The following SVIP variants were observed in gnomAD, a reference collection of about 807,000 sequenced individuals.
The protein encoded by SVIP is small VCP interacting protein.
Under a neutral mutation model 12.9 loss-of-function variants are expected in SVIP, and 14 were observed. The ratio of observed to expected loss-of-function variants is 1.08; its 90% CI spans 0.72 to 1.70. The LOEUF is 1.70. SVIP is among the 40% of genes most tolerant of loss of function. The pLI is 0.00. For missense variants in SVIP, 93 were observed against 90.8 expected (o/e 1.02, Z -0.10); for synonymous variants, 35 against 33.3 (o/e 1.05, Z -0.17).
chr11:22,829,408 C>T (rs1857859790), intron 1 of SVIP: 5 of 362,008 alleles, frequency 1.4e-5, no homozygotes, highest in Non-Finnish European at 2.5e-5. Flanking sequence ...TGCGCCGGCG[C>T]CCTATGAAGA....
rs1329685554 is a variant in SVIP at position 22,821,085 on chromosome 11, G to A, written c.*2034C>T. The A allele has an allele frequency of 6.8e-6, 1 of 147,212 alleles. No homozygotes were observed. The highest frequency in any genetic ancestry group is 1.5e-5 in the Non-Finnish European group (1 of 67,090). The allele number at this position is 147,212 out of a possible 1,614,324, so 9.1% of individuals were successfully genotyped here. A position where few individuals can be genotyped will look rare whatever the true frequency, so the allele number is the denominator to read the frequency against. On this transcript the variant is annotated 3_prime_UTR_variant, in exon 4 of 4. Coordinates refer to ENST00000354193, the MANE Select transcript of SVIP (RefSeq NM_148893.3). ...TATATACACACACATATATAAATTA[G>A]AATTTGCAGATATTATGTGTATATA...
rs960455363 is a variant in SVIP, at chr11:22,822,889, C to T, written c.*230G>A. 1 of 457,058 alleles carries T rather than the reference C, an allele frequency of 2.2e-6. No individual in the cohort carries two copies. The highest frequency in any genetic ancestry group is 4.0e-5 in the Admixed American group (1 of 24,866). The allele number at this position is 457,058 out of a possible 1,614,324, so 28.3% of individuals were successfully genotyped here. ...TTAACTACTAAGAAAAATAGCAAAT[C>T]ACCCACTAACTGCAGAAGAGCAAAT... On this transcript the variant is annotated 3_prime_UTR_variant, in exon 4 of 4. Transcript: ENST00000354193.
At position 22,823,257 on chromosome 11, in the gene SVIP, T is replaced by C. The variant is rs1564905362; in HGVS notation, c.220-124A>G. 11 of 650,954 alleles carry C rather than the reference T, an allele frequency of 1.7e-5. No homozygotes were observed. The South Asian group carries it at 2.0e-4, about 12-fold the overall frequency. The allele number at this position is 650,954 out of a possible 1,614,324, so 40.3% of individuals were successfully genotyped here. A position where few individuals can be genotyped will look rare whatever the true frequency, so the allele number is the denominator to read the frequency against. ...AGAAATACAAAATGATTTTTCTGAATAGCAGCTATTCATAAAATTTTACAT... is the reference window on the plus strand; with the variant it reads ...AGAAATACAAAATGATTTTTCTGAACAGCAGCTATTCATAAAATTTTACAT... On this transcript the variant is annotated intron_variant, in intron 3 of 3. Coordinates refer to ENST00000354193, the MANE Select transcript of SVIP (RefSeq NM_148893.3).
At chr11:22,824,370 C>T (rs535065891) in intron 3 of SVIP, among the ~76,000 whole-genome samples, 2 of 150,842 alleles carry the variant, frequency 1.3e-5, no homozygotes, top group East Asian at 3.9e-4. Context: ...AGATATTTGG[C>T]AATCTCTTGA....
chr11:22,827,470 C>A, intron 2 of SVIP, 150 bp from the exon 3 acceptor site: 1 of 649,566 alleles, frequency 1.5e-6, no homozygotes, highest in South Asian at 1.9e-5. Context: ...GTTTCTACAA[C>A]AGCCTTACAT....
At chr11:22,829,663 G>C (rs572536180) in intron 1 of SVIP, 32 bp downstream of exon 1, 23 of 1,562,816 alleles carry the variant, frequency 1.5e-5, no homozygotes, top group Middle Eastern at 3.3e-4. Context: ...TCAAGGCGCG[G>C]CCCGGCGGAC....
At chr11:22,825,575 A>T (rs1857667224) in intron 3 of SVIP, among the ~76,000 whole-genome samples, 2 of 152,326 alleles carry the variant, frequency 1.3e-5, no homozygotes, top group East Asian at 3.9e-4. Context: ...CAGTACACAA[A>T]GAAAAACAGA....
Position 22,819,599 on chromosome 11 carries a change from C to G in SVIP, c.*3520G>C, listed in dbSNP as rs1410103775. 6.6e-6 allele frequency: 1 copy of G among 152,184 alleles called. No individual in the cohort carries two copies. Among genetic ancestry groups the G allele is most frequent in the Admixed American group, 6.5e-5 (1 of 15,270 alleles). 9.4% of individuals were successfully genotyped at this position (152,184 alleles called of 1,614,324 possible). On this transcript the variant is annotated 3_prime_UTR_variant, in exon 4 of 4. Coordinates refer to ENST00000354193, the MANE Select transcript of SVIP (RefSeq NM_148893.3). Reference sequence around the variant, plus strand: ...ACCAGCCTGACCAACGTGGAGAAACCCTGTCTCTACTAAAAACACAAAATT... The same window carrying G: ...ACCAGCCTGACCAACGTGGAGAAACGCTGTCTCTACTAAAAACACAAAATT...
At chr11:22,824,474 G>A (rs1388901201) in intron 3 of SVIP, among the ~76,000 whole-genome samples, 11 of 138,244 alleles carry the variant, frequency 8.0e-5, no homozygotes, top group East Asian at 6.5e-4. Flanking sequence ...ATATATATAC[G>A]TATATATATA....
chr11:22,829,553 C>T, intron 1 of SVIP, 142 bp downstream of exon 1: 1 of 797,140 alleles, frequency 1.3e-6, no homozygotes, highest in Admixed American at 2.6e-5. Flanking sequence ...ACCCTCCTGA[C>T]GCGTCCACCC....
chr11:22,829,675 C>T lies in SVIP; in HGVS notation c.54+20G>A, dbSNP rs773363501. ...TGCTCAAGGCGCGGCCCGGCGGACG[C>T]AGGGACCTGCTCTACTCACCAGGTC... On this transcript the variant is annotated intron_variant, in intron 1 of 3. Coordinates refer to ENST00000354193, the MANE Select transcript of SVIP (RefSeq NM_148893.3). 1 of 1,582,448 alleles carries T rather than the reference C, an allele frequency of 6.3e-7. No individual in the cohort carries two copies.
chr11:22,825,429 G>A (rs1169156884), intron 3 of SVIP, among the ~76,000 whole-genome samples: 1 of 152,096 alleles, frequency 6.6e-6, no homozygotes. Context: ...AATATTCCAA[G>A]GAAAAATTAC....
At chr11:22,829,508 G>A (rs892325858) in intron 1 of SVIP, 187 bp downstream of exon 1, 13 of 529,690 alleles carry the variant, frequency 2.5e-5, no homozygotes, top group Non-Finnish European at 4.3e-5. Flanking sequence ...TCTACACGGA[G>A]GCGACGGCCT....
Position 22,829,713 on chromosome 11 carries a change from C to T in SVIP, c.36G>A (p.Ala12=). ...TACTCACCAGGTCCGGCGTGGGAGG[C>T]GCGGACTCCCCGGGACAAGGAAAAC... is the stretch of plus-strand genomic sequence containing the variant. ...GLCFPCPGES[A]PPTPDLEEKR... The change falls in exon 1 of 4, where the codon GCG becomes GCA. Residue 12 remains alanine, a synonymous_variant. Transcript: ENST00000354193. 1.9e-6 allele frequency: 3 copies of T among 1,605,944 alleles called. No individual in the cohort carries two copies. Among genetic ancestry groups the T allele is most frequent in the Non-Finnish European group, 2.5e-6 (3 of 1,177,092 alleles).
chr11:22,828,031 C>A (rs1857788525), intron 1 of SVIP, among the ~76,000 whole-genome samples, 157 bp from the exon 2 acceptor site: 1 of 152,192 alleles, frequency 6.6e-6, no homozygotes, highest in Non-Finnish European at 1.5e-5. Flanking sequence ...TTTTGAATTT[C>A]ATTCTCCTAA....
At chr11:22,827,719 G>T in intron 2 of SVIP, 105 bp downstream of exon 2, 1 of 756,514 alleles carries the variant, frequency 1.3e-6, no homozygotes, top group Non-Finnish European at 2.1e-6. Flanking sequence ...AAATTTTTGG[G>T]ATATCAAAGG....
At chr11:22,827,978 G>A (rs766518365) in intron 1 of SVIP, 104 bp from the exon 2 acceptor site, 3 of 838,902 alleles carry the variant, frequency 3.6e-6, no homozygotes, top group South Asian at 5.1e-5. Flanking sequence ...AAAATATTCG[G>A]TACTGGCCCT....
rs1419183601 is a variant in SVIP, at chr11:22,820,564, G to A, written c.*2555C>T. 6.6e-6 allele frequency: 1 copy of A among 152,158 alleles called. No homozygotes were observed. Among genetic ancestry groups the A allele is most frequent in the Admixed American group, 6.5e-5 (1 of 15,274 alleles). 9.4% of individuals were successfully genotyped at this position (152,158 alleles called of 1,614,324 possible). On this transcript the variant is annotated 3_prime_UTR_variant, in exon 4 of 4. Coordinates refer to ENST00000354193, the MANE Select transcript of SVIP (RefSeq NM_148893.3). ...AACTCAGGTTCTAAGTATTTAGGAT[G>A]TAGTAAAGATAAAATTTTGTTAAAG...
At chr11:22,827,642 A>T (rs1021770123) in intron 2 of SVIP, among the ~76,000 whole-genome samples, 182 bp downstream of exon 2, 1 of 152,004 alleles carries the variant, frequency 6.6e-6, no homozygotes, top group Non-Finnish European at 1.5e-5. Context: ...TCATATATTA[A>T]TATAAATATA....
Sources: gnomAD v4.1 joint callset for allele counts (sites outside exome capture counted in the v4.1 genomes callset) on GRCh38, gnomAD v4.1.1 for gene constraint, MANE v1.5 for transcripts, NCBI Gene and HGNC (gene_info 2026-07-23, HGNC 2026-07-21) for gene names.